The following STK33 variants were observed in gnomAD, a reference collection of about 807,000 sequenced individuals.
The protein encoded by STK33 is serine/threonine-protein kinase 33.
In STK33, 52 loss-of-function variants were observed where a neutral mutation model predicts 58.0. The ratio of observed to expected loss-of-function variants is 0.90; its 90% CI spans 0.72 to 1.13. STK33 has a LOEUF of 1.13. STK33 is among the 50% of genes most tolerant of loss of function. STK33 has a pLI of 0.00. For synonymous variants in STK33, 215 were observed against 200.1 expected, an observed-to-expected ratio of 1.07 and a Z score of -0.63; for missense variants, 630 against 604.2, an observed-to-expected ratio of 1.04 and a Z score of -0.45.
At chr11:8,497,637 A>G (rs1032664589) in intron 1 of STK33, among the ~76,000 whole-genome samples, 2 of 151,986 alleles carry the variant, frequency 1.3e-5, no homozygotes, top group African/African-American at 4.8e-5. Context: ...TGCCCAGCTA[A>G]TTTTTGTAGA....
At position 8,392,472 on chromosome 11, in the gene STK33, C is replaced by A. The variant is rs1383368429; in HGVS notation, c.*38G>T. The A allele has an allele frequency of 6.2e-7, 1 of 1,609,884 alleles. No homozygotes were observed. Among genetic ancestry groups the A allele is most frequent in the Non-Finnish European group, 8.5e-7 (1 of 1,177,664 alleles). ...CCCCTCATCAAAGTGCTAACAAGAG[C>A]AGCTTTGTTTTTGTACTGTCCAACA... On this transcript the variant is annotated 3_prime_UTR_variant, in exon 16 of 16. Coordinates refer to ENST00000687296, the MANE Select transcript of STK33 (RefSeq NM_001352389.2).
chr11:8,514,531 AT>A (rs1029712759), intron 1 of STK33, among the ~76,000 whole-genome samples: 4 of 152,232 alleles, frequency 2.6e-5, no homozygotes, highest in African/African-American at 4.8e-5. Flanking sequence ...GATCATGCGG[AT>A]AAGAAATACA....
At chr11:8,358,333 T>C in the STK33 span, among the ~76,000 whole-genome samples, 1 of 152,168 alleles carries the variant, frequency 6.6e-6, no homozygotes, top group Admixed American at 6.5e-5. Context: ...TGCTCACACC[T>C]GAGGAAGCTG....
intron 1 of STK33, among the ~76,000 whole-genome samples, chr11:8,551,645 G>A (rs987772127): frequency 1.3e-5 from 2 of 151,994 alleles, no homozygotes; most frequent in East Asian, 1.9e-4. Context: ...TCTTCATATC[G>A]GAACTTAAAC....
At chr11:8,355,554 T>C in the STK33 span, among the ~76,000 whole-genome samples, 1 of 152,146 alleles carries the variant, frequency 6.6e-6, no homozygotes, top group Admixed American at 6.5e-5. Context: ...AACGGGGTGT[T>C]CCTTCCTCTC....
At chr11:8,495,409 T>C (rs1252585824) in intron 1 of STK33, among the ~76,000 whole-genome samples, 15 of 152,114 alleles carry the variant, frequency 9.9e-5, no homozygotes, top group Non-Finnish European at 2.2e-4. Context: ...TACCATCTCA[T>C]GCCAGTTAGA....
chr11:8,428,114 T>C (rs1942989508), intron 14 of STK33, among the ~76,000 whole-genome samples: 1 of 152,076 alleles, frequency 6.6e-6, no homozygotes, highest in Non-Finnish European at 1.5e-5. Flanking sequence ...CCAGGAGAAA[T>C]AATCTGAGGA....
chr11:8,585,866 C>A lies in STK33; in HGVS notation c.-466+8217G>T, dbSNP rs191277318. On this transcript the variant is annotated intron_variant, in intron 1 of 15. Coordinates refer to ENST00000687296, the MANE Select transcript of STK33 (RefSeq NM_001352389.2). ...GGTCAGGAGTTCGAGACCAGCCTGA[C>A]CAACATGGTAAAACCTCGTCCTACT... Among the ~76,000 whole-genome samples the A allele has an allele frequency of 2.0e-5, 3 of 152,178 alleles. No homozygotes were observed. The East Asian group carries it at 5.8e-4, about 30-fold the overall frequency.
intron 9 of STK33, 78 bp downstream of exon 9, chr11:8,457,263 A>C: frequency 7.8e-7 from 1 of 1,288,936 alleles, no homozygotes; most frequent in Non-Finnish European, 1.0e-6. Context: ...ATGACTATGA[A>C]TCTGGAATAC....
chr11:8,368,083 G>A, the STK33 span, among the ~76,000 whole-genome samples: 1 of 152,098 alleles, frequency 6.6e-6, no homozygotes, highest in South Asian at 2.1e-4. Flanking sequence ...TACTCCTGCA[G>A]CCAAGCAGCA....
chr11:8,588,393 C>T (rs2032060413), intron 1 of STK33, among the ~76,000 whole-genome samples: 1 of 152,164 alleles, frequency 6.6e-6, no homozygotes, highest in Admixed American at 6.5e-5. Flanking sequence ...CAAATTTTGT[C>T]TCCCCAAAAC....
At chr11:8,374,217 C>T in the STK33 span, among the ~76,000 whole-genome samples, 3 of 152,168 alleles carry the variant, frequency 2.0e-5, no homozygotes, top group Non-Finnish European at 4.4e-5. Flanking sequence ...CCCCAGGGTC[C>T]ACAGGGGCTC....
intron 6 of STK33, among the ~76,000 whole-genome samples, chr11:8,470,048 C>T (rs1948624208): frequency 6.6e-6 from 1 of 152,228 alleles, no homozygotes; most frequent in Non-Finnish European, 1.5e-5. Flanking sequence ...AACTTAAAGT[C>T]ACCAGCTTCA....
At chr11:8,389,638 C>G (rs1284700910), downstream of STK33, among the ~76,000 whole-genome samples, 2 of 152,192 alleles carry the variant, frequency 1.3e-5, no homozygotes, top group Non-Finnish European at 2.9e-5. Context: ...AACAGCGCGG[C>G]TGGAATTTAA....
At chr11:8,553,202 T>C (rs1448848698) in intron 1 of STK33, among the ~76,000 whole-genome samples, 31 of 21,318 alleles carry the variant, frequency 1.5e-3, no homozygotes, top group African/African-American at 8.4e-3. Flanking sequence ...ATATATGGTG[T>C]ATATATATAT....
At chr11:8,366,925 G>A in the STK33 span, among the ~76,000 whole-genome samples, 1 of 152,248 alleles carries the variant, frequency 6.6e-6, no homozygotes, top group African/African-American at 2.4e-5. Flanking sequence ...TGGCTTGTGA[G>A]AGTCTGAGGC....
chr11:8,371,563 TGGGA>T, the STK33 span, among the ~76,000 whole-genome samples: 1 of 152,228 alleles, frequency 6.6e-6, no homozygotes, highest in Non-Finnish European at 1.5e-5. Context: ...GGAGAAAGCA[TGGGA>T]GGAAGGGTTC....
intron 1 of STK33, among the ~76,000 whole-genome samples, chr11:8,543,423 T>C (rs1429423576): frequency 6.6e-6 from 1 of 152,228 alleles, no homozygotes; most frequent in Non-Finnish European, 1.5e-5. Context: ...AAAATACTCA[T>C]TGTGGTTCTG....
chr11:8,456,455 C>A (rs1178369122), intron 9 of STK33, among the ~76,000 whole-genome samples: 2 of 152,184 alleles, frequency 1.3e-5, no homozygotes, highest in African/African-American at 4.8e-5. Context: ...AGAGCAGGGG[C>A]CTTGTCTTTT....
Sources: allele counts gnomAD v4.1 joint callset (sites outside exome capture counted in the v4.1 genomes callset), GRCh38; gene constraint gnomAD v4.1.1; transcripts MANE v1.5; gene names NCBI Gene and HGNC (gene_info 2026-07-23, HGNC 2026-07-21).